PANK3: variants seen among roughly 807,000 people sequenced by gnomAD.
PANK3 encodes the protein pantothenate kinase 3, also known as hPanK3.
A neutral mutation model predicts 39.4 loss-of-function variants in PANK3; 20 were observed. The ratio of observed to expected loss-of-function variants is 0.51; its 90% confidence interval spans 0.36 to 0.74. The LOEUF is 0.74. PANK3 is among the 30% of genes least tolerant of loss of function. PANK3 has a pLI of 0.00. For synonymous variants in PANK3, 140 were observed against 157.3 expected, an observed-to-expected ratio of 0.89 and a Z score of 0.82; for missense variants, 265 against 437.0, an observed-to-expected ratio of 0.61 and a Z score of 3.51.
In PANK3 at chr5:168,554,939, A is replaced by G. The variant is rs913705225; in HGVS notation, c.*2632T>C. 2 of 152,186 alleles carry G rather than the reference A, an allele frequency of 1.3e-5. No individual in the cohort carries two copies. The highest frequency in any genetic ancestry group is 2.9e-5 in the Non-Finnish European group (2 of 68,036). The allele number at this position is 152,186 out of a possible 1,614,324, so 9.4% of individuals were successfully genotyped here. ...ATGATTCATATATTTTATCCTTTCA[A>G]ACTGAAATTACCTGCTAGAGTGAGC... On this transcript the variant is annotated 3_prime_UTR_variant, in exon 7 of 7. Coordinates refer to ENST00000239231, the MANE Select transcript of PANK3 (RefSeq NM_024594.4).
Position 168,561,536 on chromosome 5 carries a change from A to G in PANK3, c.813-20T>C. On this transcript the variant is annotated intron_variant, in intron 4 of 6. Coordinates refer to ENST00000239231, the MANE Select transcript of PANK3 (RefSeq NM_024594.4). ...CCAAAACTGCAGAAAAATGAAAAAT[A>G]AAGTCAAATCTGCTGATAAAAAGCA... The G allele has an allele frequency of 6.4e-7, 1 of 1,551,836 alleles. No individual in the cohort carries two copies. The highest frequency in any genetic ancestry group is 8.7e-7 in the Non-Finnish European group (1 of 1,151,888).
Position 168,575,137 on chromosome 5 carries a change from CTG to C in PANK3, c.28+4117_28+4118del, listed in dbSNP as rs566003174. On this transcript the variant is annotated intron_variant, in intron 1 of 6. Transcript: ENST00000239231. The stretch of plus-strand genomic sequence containing the variant: ...ATGATGGTCAATATACAGTCCCAGA[CTG>C]TGAGAATTATTAGAATCTCTCATGA... 4.5e-3 allele frequency among the ~76,000 whole-genome samples: 691 copies of C among 152,234 alleles called. 6 individuals carry two copies. Among genetic ancestry groups the C allele is most frequent in the Non-Finnish European group, 6.8e-3 (462 of 68,016 alleles).
chr5:168,552,630 A>G lies in PANK3; in HGVS notation c.*4941T>C, dbSNP rs1759290489. 4.5e-6 allele frequency: 1 copy of G among 221,816 alleles called. No individual in the cohort carries two copies. The highest frequency in any genetic ancestry group is 1.0e-5 in the Non-Finnish European group (1 of 95,982). 13.7% of individuals were successfully genotyped at this position (221,816 alleles called of 1,614,324 possible). A position where few individuals can be genotyped will look rare whatever the true frequency, so the allele number is the denominator to read the frequency against. On this transcript the variant is annotated 3_prime_UTR_variant, in exon 7 of 7. Transcript: ENST00000239231. The stretch of plus-strand genomic sequence containing the variant: ...TTCAGAGAAGGCCACAAAGACCAAG[A>G]TAGCCCCACTACAGACAAAGCTCAT...
In PANK3 at chr5:168,575,740, C is replaced by T. The variant is rs541438186; in HGVS notation, c.28+3516G>A. 3.3e-5 allele frequency among the ~76,000 whole-genome samples: 5 copies of T among 151,832 alleles called. 1 individual carries two copies. The highest frequency in any genetic ancestry group is 1.2e-4 in the African/African-American group (5 of 41,366). ...TGCCAAGGTTGCAGTGAGCTGAGAT[C>T]GTGCCACTGCACTCCAGCCTGGGTG... On this transcript the variant is annotated intron_variant, in intron 1 of 6. Transcript: ENST00000239231.
intron 4 of PANK3, among the ~76,000 whole-genome samples, chr5:168,563,309 C>G (rs1249772224): frequency 6.6e-6 from 1 of 152,022 alleles, no homozygotes; most frequent in Non-Finnish European, 1.5e-5. Context: ...GGCTCTTAAC[C>G]CCAGTGTTGG....
At position 168,579,168 on chromosome 5, in the gene PANK3, G is replaced by C. The variant is rs1402915232; in HGVS notation, c.28+88C>G. The C allele has an allele frequency of 2.4e-6, 3 of 1,252,326 alleles. No individual in the cohort carries two copies. The African/African-American group carries it at 4.8e-5, about 20-fold the overall frequency. The allele number at this position is 1,252,326 out of a possible 1,614,324, so 77.6% of individuals were successfully genotyped here. On this transcript the variant is annotated intron_variant, in intron 1 of 6. Transcript: ENST00000239231. ...ACGAAGCGCCGGCGAGGAGCGACGGGCTTGGAAGCCGACCGCCCAGCCAAG... is the reference window on the plus strand; with the variant it reads ...ACGAAGCGCCGGCGAGGAGCGACGGCCTTGGAAGCCGACCGCCCAGCCAAG...
rs975030875 is a variant in PANK3, at chr5:168,549,437, T to C, written c.*8134A>G. 6.6e-6 allele frequency: 1 copy of C among 152,198 alleles called. No individual in the cohort carries two copies. The highest frequency in any genetic ancestry group is 2.4e-5 in the African/African-American group (1 of 41,442). 9.4% of individuals were successfully genotyped at this position (152,198 alleles called of 1,614,324 possible). On this transcript the variant is annotated 3_prime_UTR_variant, in exon 7 of 7. Coordinates refer to ENST00000239231, the MANE Select transcript of PANK3 (RefSeq NM_024594.4). Reference sequence around the variant, plus strand: ...GTATACTTTACAAATAACACAAATATGGAAATGTTTTCTTGGAAAGCTGTT... The same window carrying C: ...GTATACTTTACAAATAACACAAATACGGAAATGTTTTCTTGGAAAGCTGTT...
At chr5:168,577,273 A>G (rs1220219846) in intron 1 of PANK3, among the ~76,000 whole-genome samples, 1 of 152,208 alleles carries the variant, frequency 6.6e-6, no homozygotes, top group Non-Finnish European at 1.5e-5. Context: ...AACAACAGAC[A>G]GTAAAGTTAC....
chr5:168,557,418 G>T lies in PANK3; in HGVS notation c.*153C>A, dbSNP rs556853083. Reference sequence around the variant, plus strand: ...AGCATTTCAATGAGAAATACTTCACGTTACCAAGTTCTCTCCTTTAATATG... The same window carrying T: ...AGCATTTCAATGAGAAATACTTCACTTTACCAAGTTCTCTCCTTTAATATG... On this transcript the variant is annotated 3_prime_UTR_variant, in exon 7 of 7. Transcript: ENST00000239231. The T allele has an allele frequency of 6.3e-5, 41 of 651,954 alleles. No individual in the cohort carries two copies. Among genetic ancestry groups the T allele is most frequent in the Middle Eastern group, 8.8e-4 (2 of 2,272 alleles). The allele number at this position is 651,954 out of a possible 1,614,324, so 40.4% of individuals were successfully genotyped here. A position where few individuals can be genotyped will look rare whatever the true frequency, so the allele number is the denominator to read the frequency against.
intron 1 of PANK3, among the ~76,000 whole-genome samples, chr5:168,575,028 T>G (rs1357440606): frequency 6.6e-6 from 1 of 151,872 alleles, no homozygotes; most frequent in Non-Finnish European, 1.5e-5. Context: ...AATAAAACAT[T>G]CCTTGCTAAG....
In PANK3 at chr5:168,566,037, T is replaced by C. The variant is rs748965604; in HGVS notation, c.611A>G (p.Asn204Ser). 9 of 1,613,088 alleles carry C rather than the reference T, an allele frequency of 5.6e-6. No homozygotes were observed. The highest frequency in any genetic ancestry group is 5.0e-5 in the Admixed American group (3 of 59,948). ...VSILAVHSKD[N>S]YKRVTGTSLG... ...CCTTGTCCCAGTCACTCGTTTATAG[T>C]TGTCTTTGGAATGGACTGCTAAAAT... Residue 204 changes from asparagine (N) to serine (S), a missense_variant, in exon 3 of 7, where the codon AAC (asparagine) becomes AGC (serine). Around this residue, in one of 3 missense-constraint regions of PANK3, gnomAD observed 154 missense variants for 256.8 expected, o/e 0.60. Transcript: ENST00000239231.
At position 168,568,760 on chromosome 5, in the gene PANK3, G is replaced by C. The variant is rs1388653558; in HGVS notation, c.267C>G (p.Thr89=). The C allele has an allele frequency of 2.5e-6, 4 of 1,613,958 alleles. No homozygotes were observed. The highest frequency in any genetic ancestry group is 1.1e-5 in the South Asian group (1 of 91,080). The part of the protein sequence containing the change: ...RGNLHFIRFP[T]QDLPTFIQMG... ...TTTGGATAAAAGTAGGCAGGTCCTG[G>C]GTTGGAAACCTGATAAAGTGCAAGT... The change falls in exon 2 of 7, where the codon ACC becomes ACG. Residue 89 remains threonine (T), a synonymous_variant. Transcript: ENST00000239231.
At position 168,550,438 on chromosome 5, in the gene PANK3, A is replaced by G. The variant is rs982962868; in HGVS notation, c.*7133T>C. 6.6e-6 allele frequency: 1 copy of G among 152,246 alleles called. No individual in the cohort carries two copies. Among genetic ancestry groups the G allele is most frequent in the African/African-American group, 2.4e-5 (1 of 41,474 alleles). 9.4% of individuals were successfully genotyped at this position (152,246 alleles called of 1,614,324 possible). ...TATGAATAATTTTTTGTACAATGAA[A>G]AAGTCATAATGCCCATATAATTCTG... On this transcript the variant is annotated 3_prime_UTR_variant, in exon 7 of 7. Coordinates refer to ENST00000239231, the MANE Select transcript of PANK3 (RefSeq NM_024594.4).
rs921238912 is a variant in PANK3, at chr5:168,553,776, G to C, written c.*3795C>G. 3 of 154,120 alleles carry C rather than the reference G, an allele frequency of 1.9e-5. No homozygotes were observed. Among genetic ancestry groups the C allele is most frequent in the Non-Finnish European group, 4.3e-5 (3 of 69,410 alleles). 9.5% of individuals were successfully genotyped at this position (154,120 alleles called of 1,614,324 possible). A position where few individuals can be genotyped will look rare whatever the true frequency, so the allele number is the denominator to read the frequency against. On this transcript the variant is annotated 3_prime_UTR_variant, in exon 7 of 7. Coordinates refer to ENST00000239231, the MANE Select transcript of PANK3 (RefSeq NM_024594.4). ...CAACAAAACCTTCAAAGTGTCCTTG[G>C]CAGCAAGTTTTCAGGTCCTCAGTAA...
In PANK3 at chr5:168,569,008, G is replaced by GAAAAA. The variant is rs368234880; in HGVS notation, c.29-15_29-11dup. ...CCAAACCATGGGAAAGCTATGGGAG[G>GAAAAA]AAAAAAAAAAAAAAAAAAAAAAATA... is the stretch of plus-strand genomic sequence containing the variant. On this transcript the variant is annotated splice_polypyrimidine_tract_variant and intron_variant, in intron 1 of 6. Coordinates refer to ENST00000239231, the MANE Select transcript of PANK3 (RefSeq NM_024594.4). 1.9e-4 allele frequency: 17 copies of GAAAAA among 91,238 alleles called. No homozygotes were observed. The highest frequency in any genetic ancestry group is 8.9e-4 in the Admixed American group (4 of 4,508). 5.7% of individuals were successfully genotyped at this position (91,238 alleles called of 1,614,324 possible).
chr5:168,561,619 C>A, intron 4 of PANK3, 103 bp from the exon 5 acceptor site: 1 of 1,032,254 alleles, frequency 9.7e-7, no homozygotes, highest in Non-Finnish European at 1.3e-6. Flanking sequence ...AAATTAGGAC[C>A]AAAAAGTAGA....
chr5:168,577,239 G>A (rs570586878), intron 1 of PANK3, among the ~76,000 whole-genome samples: 3 of 152,058 alleles, frequency 2.0e-5, no homozygotes, highest in African/African-American at 4.8e-5. Context: ...CACACAAAAC[G>A]TCATGTTCCT....
At chr5:168,558,919 G>C in intron 6 of PANK3, 113 bp downstream of exon 6, 4 of 1,003,836 alleles carry the variant, frequency 4.0e-6, no homozygotes, top group Non-Finnish European at 5.6e-6. Flanking sequence ...AGGAGGAAGA[G>C]GCTGCAGTAA....
At chr5:168,573,561 T>G (rs971289171) in intron 1 of PANK3, among the ~76,000 whole-genome samples, 13 of 151,972 alleles carry the variant, frequency 8.6e-5, no homozygotes, top group African/African-American at 3.1e-4. Flanking sequence ...AGGGTACATG[T>G]GCACAATGTG....
Sources: allele counts gnomAD v4.1 joint callset (sites outside exome capture counted in the v4.1 genomes callset), GRCh38; gene constraint gnomAD v4.1.1; regional missense constraint gnomAD v4.1.1; transcripts MANE v1.5; gene names NCBI Gene and HGNC (gene_info 2026-07-23, HGNC 2026-07-21).